The following CTNND2 variants were observed in gnomAD, a reference collection of about 807,000 sequenced individuals.
CTNND2 encodes catenin delta-2.
In CTNND2, 22 loss-of-function variants were observed where a neutral mutation model predicts 144.4. The observed-to-expected ratio is 0.15, with a 90% CI of 0.11 to 0.22. The LOEUF (loss-of-function observed/expected upper bound fraction) is 0.22. CTNND2 is among the 10% of genes least tolerant of loss of function. The pLI is 1.00. For synonymous variants in CTNND2, 751 were observed against 695.6 expected (o/e 1.08, Z -1.25); for missense variants, 1,353 against 1,618.8 (o/e 0.84, Z 2.82).
At chr5:11,344,569 C>CT (rs1316284191) in intron 9 of CTNND2, among the ~76,000 whole-genome samples, 7 of 151,396 alleles carry the variant, frequency 4.6e-5, no homozygotes, top group African/African-American at 9.7e-5. Context: ...CTTTTCTTTT[C>CT]TTTTTTTTGG....
At chr5:11,667,910 A>C (rs1029721466) in intron 2 of CTNND2, among the ~76,000 whole-genome samples, 1 of 152,190 alleles carries the variant, frequency 6.6e-6, no homozygotes, top group African/African-American at 2.4e-5. Context: ...CTTACCTTTA[A>C]GGCTTTAATC....
Position 11,570,283 on chromosome 5 carries a change from A to G in CTNND2, c.175-5227T>C, listed in dbSNP as rs576472554. 2.0e-5 allele frequency among the ~76,000 whole-genome samples: 3 copies of G among 152,258 alleles called. No individual in the cohort carries two copies. The South Asian group carries it at 6.2e-4, about 32-fold the overall frequency. ...CAGCTGTCTTCTGGGATCTCTCTCC[A>G]TCTTCAGGCGGGAGATTTCCTTTGT... On this transcript the variant is annotated intron_variant, in intron 2 of 21. Transcript: ENST00000304623.
intron 10 of CTNND2, among the ~76,000 whole-genome samples, chr5:11,228,538 T>C (rs936086683): frequency 6.7e-6 from 1 of 149,770 alleles, no homozygotes; most frequent in East Asian, 2.0e-4. Context: ...CAGGCTGGAG[T>C]GCAGTGGCAT....
chr5:11,174,818 T>C (rs951200250), intron 11 of CTNND2, among the ~76,000 whole-genome samples: 3 of 152,192 alleles, frequency 2.0e-5, no homozygotes, highest in South Asian at 4.1e-4. Context: ...TCTATTATGA[T>C]TGGAATGTAA....
chr5:11,070,287 T>C (rs939419195), intron 16 of CTNND2, among the ~76,000 whole-genome samples: 1 of 152,092 alleles, frequency 6.6e-6, no homozygotes, highest in Non-Finnish European at 1.5e-5. Flanking sequence ...CATAACCAAA[T>C]TGAAATTCTA....
At chr5:10,976,653 C>A (rs534077098) in intron 21 of CTNND2, among the ~76,000 whole-genome samples, 1 of 152,196 alleles carries the variant, frequency 6.6e-6, no homozygotes, top group African/African-American at 2.4e-5. Context: ...GAACTTTTTC[C>A]TCAACAGTAG....
intron 1 of CTNND2, among the ~76,000 whole-genome samples, chr5:11,846,134 G>A (rs1171428644): frequency 6.6e-6 from 1 of 151,794 alleles, no homozygotes; most frequent in Non-Finnish European, 1.5e-5. Flanking sequence ...ACCAGAAATA[G>A]GTATAAAAAG....
At chr5:11,054,463 A>T (rs746239606) in intron 16 of CTNND2, among the ~76,000 whole-genome samples, 5 of 152,318 alleles carry the variant, frequency 3.3e-5, no homozygotes, top group Middle Eastern at 6.8e-3. Flanking sequence ...ATTAGAGAAG[A>T]CAAGGGAGCA....
intron 3 of CTNND2, among the ~76,000 whole-genome samples, chr5:11,549,318 C>A (rs1277607511): frequency 6.6e-6 from 1 of 152,118 alleles, no homozygotes; most frequent in Admixed American, 6.6e-5. Context: ...ACACATGGTA[C>A]CTCCACAATT....
intron 9 of CTNND2, among the ~76,000 whole-genome samples, chr5:11,286,636 T>A (rs1747784592): frequency 6.6e-6 from 1 of 152,112 alleles, no homozygotes; most frequent in South Asian, 2.1e-4. Flanking sequence ...ACTGGGGTAA[T>A]GCAGAGGGAA....
chr5:11,840,622 G>A (rs12521011), intron 1 of CTNND2, among the ~76,000 whole-genome samples: 6 of 152,046 alleles, frequency 3.9e-5, no homozygotes, highest in Admixed American at 2.6e-4. Context: ...AAAATAACTC[G>A]TATCACTTCA....
chr5:11,735,181 G>A lies in CTNND2; in HGVS notation c.38-2909C>T, dbSNP rs149574438. Among the ~76,000 whole-genome samples the A allele has an allele frequency of 4.3e-3, 653 of 152,322 alleles. 9 individuals are homozygous for A. The highest frequency in any genetic ancestry group is 0.015 in the African/African-American group (632 of 41,578). Reference sequence around the variant, plus strand: ...TGAAGGTGATGAATACCAACAGGATGACAGAAAGAGATTTGCGTAATTATG... The same window carrying A: ...TGAAGGTGATGAATACCAACAGGATAACAGAAAGAGATTTGCGTAATTATG... On this transcript the variant is annotated intron_variant, in intron 1 of 21. Coordinates refer to ENST00000304623, the MANE Select transcript of CTNND2 (RefSeq NM_001332.4).
chr5:11,452,171 A>C (rs1188380486), intron 3 of CTNND2, among the ~76,000 whole-genome samples: 4 of 152,268 alleles, frequency 2.6e-5, no homozygotes, highest in African/African-American at 4.8e-5. Flanking sequence ...GATAGGTTGC[A>C]AAGTCAGGCT....
chr5:11,146,016 G>A lies in CTNND2; in HGVS notation c.2159+13560C>T, dbSNP rs557522576. On this transcript the variant is annotated intron_variant, in intron 12 of 21. Transcript: ENST00000304623. ...ACAGACTCTGGGGTGGGTTCCTAGA[G>A]TTCTTCAGGTGGAGTCCATGGTTCC... Among the ~76,000 whole-genome samples the A allele has an allele frequency of 5.3e-5, 8 of 152,266 alleles. No homozygotes were observed. The South Asian group carries it at 1.7e-3, about 32-fold the overall frequency.
chr5:11,211,002 A>G (rs1315973569), intron 10 of CTNND2, among the ~76,000 whole-genome samples: 1 of 152,164 alleles, frequency 6.6e-6, no homozygotes, highest in Non-Finnish European at 1.5e-5. Context: ...GGATCTCGCA[A>G]TTTTCTAGTC....
chr5:11,181,247 C>T (rs1397924397), intron 11 of CTNND2, among the ~76,000 whole-genome samples: 1 of 152,140 alleles, frequency 6.6e-6, no homozygotes, highest in Admixed American at 6.5e-5. Context: ...GGGAAAAGCT[C>T]TTTCTGTAAT....
chr5:11,255,041 A>C (rs909756109), intron 9 of CTNND2, among the ~76,000 whole-genome samples: 6 of 152,184 alleles, frequency 3.9e-5, no homozygotes, highest in African/African-American at 7.2e-5. Context: ...GATGCATTTC[A>C]AAACATTTTC....
At chr5:11,543,753 A>C (rs1332988696) in intron 3 of CTNND2, among the ~76,000 whole-genome samples, 1 of 152,192 alleles carries the variant, frequency 6.6e-6, no homozygotes, top group African/African-American at 2.4e-5. Flanking sequence ...AAAACAGAAG[A>C]GTCCTTACTC....
intron 2 of CTNND2, among the ~76,000 whole-genome samples, chr5:11,677,610 T>G (rs978101850): frequency 6.6e-6 from 1 of 152,122 alleles, no homozygotes; most frequent in African/African-American, 2.4e-5. Context: ...CACTGATAGA[T>G]AATAATGTGT....
Sources: allele counts gnomAD v4.1 joint callset (sites outside exome capture counted in the v4.1 genomes callset), GRCh38; gene constraint gnomAD v4.1.1; transcripts MANE v1.5; gene names NCBI Gene and HGNC (gene_info 2026-07-23, HGNC 2026-07-21).